Variants in MARK4 observed in about 807,000 individuals in gnomAD.
The protein encoded by MARK4 is microtubule affinity regulating kinase 4, also known as MAP/microtubule affinity-regulating kinase 4.
Under a neutral mutation model 81.5 loss-of-function variants are expected in MARK4, and 19 were observed. The observed-to-expected ratio is 0.23, with a 90% CI of 0.16 to 0.34. The LOEUF is 0.34. Among genes scored for constraint, MARK4 ranks in the 10% least tolerant of loss-of-function variants. The pLI is 1.00. For missense variants in MARK4, 772 were observed against 1,058.8 expected, an observed-to-expected ratio of 0.73 and a Z score of 3.76; for synonymous variants, 436 against 439.0, an observed-to-expected ratio of 0.99 and a Z score of 0.08.
At chr19:45,282,878 G>A (rs1387013886) in intron 12 of MARK4, among the ~76,000 whole-genome samples, 2 of 151,964 alleles carry the variant, frequency 1.3e-5, no homozygotes, top group Non-Finnish European at 2.9e-5. Flanking sequence ...TGTGGTCCCA[G>A]CTACTTGGGA....
chr19:45,270,381 T>C (rs556884866), intron 7 of MARK4, among the ~76,000 whole-genome samples: 7 of 152,256 alleles, frequency 4.6e-5, no homozygotes, highest in South Asian at 2.1e-4. Flanking sequence ...ACTGTTATAA[T>C]TGATAGTCCA....
At chr19:45,298,085 C>G in intron 15 of MARK4, 131 bp downstream of exon 15, 1 of 1,576,744 alleles carries the variant, frequency 6.3e-7, no homozygotes, top group African/African-American at 1.3e-5. Context: ...TCGTTTCCTC[C>G]TCCTCCTCCT....
At chr19:45,264,988 G>A (rs1357661540) in intron 6 of MARK4, 78 bp downstream of exon 6, 5 of 1,454,240 alleles carry the variant, frequency 3.4e-6, no homozygotes, top group East Asian at 2.3e-5. Flanking sequence ...GCATGGTCTG[G>A]GCTGTCCAGC....
intron 12 of MARK4, among the ~76,000 whole-genome samples, chr19:45,283,481 C>G (rs1046063547): frequency 1.3e-5 from 2 of 149,742 alleles, no homozygotes; most frequent in Non-Finnish European, 3.0e-5. Flanking sequence ...AATCTACTTT[C>G]TATGTCGATG....
At chr19:45,256,814 G>A (rs990594782) in intron 1 of MARK4, among the ~76,000 whole-genome samples, 4 of 152,156 alleles carry the variant, frequency 2.6e-5, no homozygotes, top group South Asian at 2.1e-4. Context: ...ACCCTGTGTT[G>A]AGCAAGCCTG....
At chr19:45,283,103 C>T (rs1174534878) in intron 12 of MARK4, among the ~76,000 whole-genome samples, 1 of 151,958 alleles carries the variant, frequency 6.6e-6, no homozygotes, top group Non-Finnish European at 1.5e-5. Flanking sequence ...AAAGAAAATT[C>T]ACAACTTTTA....
chr19:45,296,356 A>G (rs1040914356), intron 14 of MARK4, among the ~76,000 whole-genome samples: 66 of 152,396 alleles, frequency 4.3e-4, no homozygotes, highest in African/African-American at 1.5e-3. Flanking sequence ...AGGGTCCTCC[A>G]AGGACCCAGG....
At chr19:45,255,326 C>T (rs1045562699) in intron 1 of MARK4, among the ~76,000 whole-genome samples, 1 of 151,910 alleles carries the variant, frequency 6.6e-6, no homozygotes, top group African/African-American at 2.4e-5. Context: ...TTTGGGAGGC[C>T]GAGGTGGGCA....
chr19:45,286,756 AAC>A (rs1001969507), intron 12 of MARK4, among the ~76,000 whole-genome samples: 2 of 152,032 alleles, frequency 1.3e-5, no homozygotes, highest in Admixed American at 1.3e-4. Flanking sequence ...GATATATAAA[AAC>A]AATAAATTCT....
intron 8 of MARK4, among the ~76,000 whole-genome samples, chr19:45,276,425 G>A (rs1599789455): frequency 1.3e-5 from 2 of 152,206 alleles, no homozygotes; most frequent in East Asian, 3.9e-4. Flanking sequence ...TCTCATAAAA[G>A]GCCCTTAAAG....
intron 16 of MARK4, among the ~76,000 whole-genome samples, chr19:45,301,677 G>A (rs1048814381): frequency 6.6e-6 from 1 of 151,002 alleles, no homozygotes; most frequent in Non-Finnish European, 1.5e-5. Flanking sequence ...TGGCTGACAC[G>A]GTGAAACCGT....
At chr19:45,258,553 AG>A in intron 1 of MARK4, among the ~76,000 whole-genome samples, 1 of 152,220 alleles carries the variant, frequency 6.6e-6, no homozygotes, top group East Asian at 1.9e-4. Context: ...TACAGAAATT[AG>A]CCAGGCATGA....
intron 9 of MARK4, 37 bp from the exon 10 acceptor site, chr19:45,278,479 A>G (rs771902593): frequency 3.2e-6 from 5 of 1,571,418 alleles, no homozygotes; most frequent in Non-Finnish European, 4.4e-6. Context: ...TCCTTCTGAC[A>G]CCTGTCTTCC....
Position 45,294,350 on chromosome 19 carries a change from A to G in MARK4, c.1496A>G (p.Asn499Ser), listed in dbSNP as rs1970857941. The G allele has an allele frequency of 6.2e-7, 1 of 1,614,054 alleles. No homozygotes were observed. The highest frequency in any genetic ancestry group is 8.5e-7 in the Non-Finnish European group (1 of 1,179,978). ...CCTTCCTGGCTGTGTCTCCTGCAGA[A>G]CAACCTCCCTCCTAGCATGATGACC... is the stretch of plus-strand genomic sequence containing the variant. ...ERRKDSTSTPNNLPPSMMTRR... is the reference protein window; with the variant it reads ...ERRKDSTSTPSNLPPSMMTRR... The change falls in exon 14 of 17, where the codon AAC becomes AGC. Residue 499 changes from asparagine to serine, a missense_variant and splice_region_variant. Asn to Ser is a conservative substitution (Grantham distance 46). Transcript: ENST00000262891.
rs1289915014 is a variant in MARK4, at chr19:45,297,709, C to T, written c.1632C>T (p.Pro544=). The change falls in exon 15 of 17, where the codon CCC becomes CCT. Residue 544 remains proline, a synonymous_variant. Transcript: ENST00000262891. ...SGTPRVPPAS[P]SSHSLAPPSG... ...CCCCACGGGTGCCCCCTGCCTCCCCCTCCAGTCACAGCCTGGCACCCCCAT... is the reference window on the plus strand; with the variant it reads ...CCCCACGGGTGCCCCCTGCCTCCCCTTCCAGTCACAGCCTGGCACCCCCAT... The T allele has an allele frequency of 1.3e-6, 2 of 1,550,220 alleles. No homozygotes were observed. Among genetic ancestry groups the T allele is most frequent in the East Asian group, 2.2e-5 (1 of 44,594 alleles).
intron 9 of MARK4, 108 bp downstream of exon 9, chr19:45,278,150 T>C: frequency 6.8e-7 from 1 of 1,476,680 alleles, no homozygotes; most frequent in Non-Finnish European, 9.2e-7. Context: ...TCCTCTCCTG[T>C]GCCCACCGAA....
chr19:45,275,235 T>G (rs1228811485), intron 8 of MARK4, among the ~76,000 whole-genome samples: 1 of 152,136 alleles, frequency 6.6e-6, no homozygotes, highest in Non-Finnish European at 1.5e-5. Context: ...CACTCCAGCC[T>G]GGACGACAGA....
At position 45,276,994 on chromosome 19, in the gene MARK4, G is replaced by A. The variant is rs564004222; in HGVS notation, c.787-929G>A. The stretch of plus-strand genomic sequence containing the variant: ...GTAGCAAGCATGTGAAGTGGGTCCT[G>A]TAATCCCTTTCACGGATAAGGAGAC... On this transcript the variant is annotated intron_variant, in intron 8 of 16. Coordinates refer to ENST00000262891, the MANE Select transcript of MARK4 (RefSeq NM_001199867.2). Among the ~76,000 whole-genome samples, 11 of 152,066 alleles carry A rather than the reference G, an allele frequency of 7.2e-5. No homozygotes were observed. In the South Asian group the frequency reaches 2.3e-3, roughly 32 times the overall value.
chr19:45,287,781 C>T (rs1407411125), intron 13 of MARK4, 117 bp downstream of exon 13: 6 of 1,167,012 alleles, frequency 5.1e-6, no homozygotes, highest in South Asian at 1.3e-5. Flanking sequence ...CTTCTTCTAC[C>T]CATTCATTCA....
Sources: allele counts gnomAD v4.1 joint callset (sites outside exome capture counted in the v4.1 genomes callset), GRCh38; gene constraint gnomAD v4.1.1; transcripts MANE v1.5; gene names NCBI Gene and HGNC (gene_info 2026-07-23, HGNC 2026-07-21).